PDE1A: variants seen among roughly 807,000 people sequenced by gnomAD.
PDE1A encodes phosphodiesterase 1A, also known as dual specificity calcium/calmodulin-dependent 3',5'-cyclic nucleotide phosphodiesterase 1A.
PDE1A carries 35 observed loss-of-function variants against 61.7 expected under a neutral mutation model. The observed-to-expected ratio is 0.57, with a 90% CI of 0.43 to 0.75. The LOEUF (loss-of-function observed/expected upper bound fraction) is 0.75. PDE1A is among the 30% of genes least tolerant of loss of function. The probability of loss-of-function intolerance (pLI) is 0.00; values close to 1 mark genes in which losing one functional copy is unlikely to be tolerated. For missense variants in PDE1A, 597 were observed against 630.6 expected, an observed-to-expected ratio of 0.95 and a Z score of 0.57; for synonymous variants, 232 against 213.2, an observed-to-expected ratio of 1.09 and a Z score of -0.77.
chr2:182,315,763 G>A (rs1404666665), intron 1 of PDE1A, among the ~76,000 whole-genome samples: 1 of 152,198 alleles, frequency 6.6e-6, no homozygotes, highest in African/African-American at 2.4e-5. Flanking sequence ...CCAGCACAGA[G>A]TAGGAGAGAG....
intron 1 of PDE1A, among the ~76,000 whole-genome samples, chr2:182,415,213 C>A (rs1457379470): frequency 6.6e-6 from 1 of 152,002 alleles, no homozygotes; most frequent in Admixed American, 6.6e-5. Flanking sequence ...GTGTTGTTTG[C>A]CTAGCCAACT....
chr2:182,349,416 A>G (rs749706362), intron 1 of PDE1A, among the ~76,000 whole-genome samples: 14 of 152,208 alleles, frequency 9.2e-5, no homozygotes, highest in Non-Finnish European at 1.9e-4. Flanking sequence ...AATTGAATGG[A>G]AAAGCTTTTC....
chr2:182,186,599 CAA>C lies in PDE1A; in HGVS notation c.1208-13_1208-12del, dbSNP rs1462112289. ...TGAAATCGATGAAACCTACAAAAGC[CAA>C]AATGAGAAGAGAGAGAGATAAATTC... On this transcript the variant is annotated splice_polypyrimidine_tract_variant and intron_variant, in intron 11 of 13. Coordinates refer to ENST00000351439, the Ensembl canonical transcript of PDE1A. The C allele has an allele frequency of 6.3e-7, 1 of 1,588,272 alleles. No homozygotes were observed. The highest frequency in any genetic ancestry group is 8.5e-7 in the Non-Finnish European group (1 of 1,169,884).
At chr2:182,676,646 A>G in the PDE1A span, among the ~76,000 whole-genome samples, 1 of 152,194 alleles carries the variant, frequency 6.6e-6, no homozygotes, top group Admixed American at 6.5e-5. Flanking sequence ...ATTAATGAAC[A>G]TTGATATAAA....
At chr2:182,268,927 T>C (rs1692822672) in intron 1 of PDE1A, among the ~76,000 whole-genome samples, 1 of 152,042 alleles carries the variant, frequency 6.6e-6, no homozygotes. Flanking sequence ...CCAACTGGTC[T>C]CTCAGCAAAT....
chr2:182,494,427 A>T (rs1688585595), intron 2 of PDE1A, among the ~76,000 whole-genome samples: 1 of 131,750 alleles, frequency 7.6e-6, no homozygotes. Context: ...CCCAACCACC[A>T]TCCCTTAGCC....
downstream of PDE1A, among the ~76,000 whole-genome samples, chr2:182,165,966 T>C (rs577784620): frequency 2.4e-4 from 36 of 152,276 alleles, 1 homozygote; most frequent in South Asian, 6.6e-3. Context: ...ACCACACTCA[T>C]GAACTTTATC....
chr2:182,428,186 C>T (rs62188260), upstream of PDE1A, among the ~76,000 whole-genome samples: 26,423 of 152,108 alleles, frequency 0.17, 2,719 homozygotes, highest in Middle Eastern at 0.35. Flanking sequence ...AGTTCTATTG[C>T]AAATATGCCG....
the PDE1A span, among the ~76,000 whole-genome samples, chr2:182,658,065 AAAAAAAAC>A: frequency 3.7e-3 from 394 of 106,696 alleles, 6 homozygotes; most frequent in East Asian, 0.012. Flanking sequence ...AAAAAAAAAA[AAAAAAAAC>A]AAAAAAACTT....
At chr2:182,676,548 T>C in the PDE1A span, among the ~76,000 whole-genome samples, 1 of 151,932 alleles carries the variant, frequency 6.6e-6, no homozygotes, top group African/African-American at 2.4e-5. Context: ...GAGGAGGGAC[T>C]CCTCCCCAAC....
chr2:182,664,133 A>G, the PDE1A span, among the ~76,000 whole-genome samples: 3 of 152,208 alleles, frequency 2.0e-5, no homozygotes, highest in Admixed American at 6.5e-5. Context: ...GAATTTTTAC[A>G]CATCCATCCA....
intron 1 of PDE1A, among the ~76,000 whole-genome samples, chr2:182,426,147 A>G (rs1380974048): frequency 1.3e-5 from 2 of 152,168 alleles, no homozygotes; most frequent in African/African-American, 4.8e-5. Flanking sequence ...TAAAGTAGCT[A>G]TCAAGTTCAA....
At chr2:182,147,438 A>T (rs895675327) in intron 13 of PDE1A, among the ~76,000 whole-genome samples, 1 of 152,232 alleles carries the variant, frequency 6.6e-6, no homozygotes, top group Non-Finnish European at 1.5e-5. Context: ...ATTAAATCCC[A>T]TGTAAAAAAT....
chr2:182,328,756 C>A (rs933772679), intron 1 of PDE1A, among the ~76,000 whole-genome samples: 12 of 152,198 alleles, frequency 7.9e-5, no homozygotes, highest in African/African-American at 2.9e-4. Context: ...ATGGGGGAAC[C>A]ACCATGAAAT....
chr2:182,612,802 T>C, the PDE1A span, among the ~76,000 whole-genome samples: 1 of 152,206 alleles, frequency 6.6e-6, no homozygotes, highest in African/African-American at 2.4e-5. Context: ...CGAAATTAAA[T>C]TGAACAGAAA....
At chr2:182,573,929 CAT>C in the PDE1A span, among the ~76,000 whole-genome samples, 1 of 140,698 alleles carries the variant, frequency 7.1e-6, no homozygotes, top group Non-Finnish European at 1.5e-5. Flanking sequence ...TTAATATATA[CAT>C]ATGTATATTT....
intron 1 of PDE1A, among the ~76,000 whole-genome samples, chr2:182,309,656 T>G (rs1695833711): frequency 6.7e-6 from 1 of 148,860 alleles, no homozygotes; most frequent in Non-Finnish European, 1.5e-5. Context: ...CAAAATCACA[T>G]GTGCAATTGT....
exon 8 of PDE1A, chr2:182,206,054 G>C (rs1260652696): frequency 6.2e-7 from 1 of 1,607,878 alleles, no homozygotes; most frequent in Non-Finnish European, 8.5e-7. Context: ...ATACAAAATG[G>C]CAACATCTGA....
chr2:182,689,243 C>T, the PDE1A span, among the ~76,000 whole-genome samples: 3 of 152,288 alleles, frequency 2.0e-5, no homozygotes, highest in Non-Finnish European at 4.4e-5. Context: ...CAGGACCACA[C>T]CGCACTTATT....
Sources: allele counts gnomAD v4.1 joint callset (sites outside exome capture counted in the v4.1 genomes callset), GRCh38; gene constraint gnomAD v4.1.1; transcripts MANE v1.5; gene names NCBI Gene and HGNC (gene_info 2026-07-23, HGNC 2026-07-21).